PARD3: variants seen among roughly 807,000 people sequenced by gnomAD.
The protein encoded by PARD3 is par-3 family cell polarity regulator.
Under a neutral mutation model 155.4 loss-of-function variants are expected in PARD3, and 75 were observed. The observed-to-expected ratio is 0.48, with a 90% confidence interval of 0.40 to 0.58. The LOEUF (loss-of-function observed/expected upper bound fraction) is 0.58. Among genes scored for constraint, PARD3 ranks in the 20% least tolerant of loss-of-function variants. PARD3 has a pLI of 0.00. For synonymous variants in PARD3, 576 were observed against 610.5 expected (o/e 0.94, Z 0.83); for missense variants, 1,642 against 1,721.7 (o/e 0.95, Z 0.82).
At chr10:34,662,403 G>C (rs529377877) in intron 2 of PARD3, among the ~76,000 whole-genome samples, 43 of 152,108 alleles carry the variant, frequency 2.8e-4, no homozygotes, top group Non-Finnish European at 5.0e-4. Context: ...ACACTGCTGG[G>C]TATATAACCT....
intron 21 of PARD3, among the ~76,000 whole-genome samples, chr10:34,272,953 A>T (rs1955696344): frequency 6.6e-6 from 1 of 152,214 alleles, no homozygotes; most frequent in Non-Finnish European, 1.5e-5. Context: ...TAAAATAAAA[A>T]ACAGTGACAA....
intron 20 of PARD3, among the ~76,000 whole-genome samples, chr10:34,286,854 G>C (rs149251088): frequency 6.6e-6 from 1 of 152,184 alleles, no homozygotes; most frequent in East Asian, 1.9e-4. Flanking sequence ...GAACCAGCTG[G>C]TAATGGAGGA....
intron 2 of PARD3, among the ~76,000 whole-genome samples, chr10:34,520,120 A>G (rs1202615059): frequency 6.6e-6 from 1 of 152,210 alleles, no homozygotes; most frequent in African/African-American, 2.4e-5. Context: ...AGTAGGACTC[A>G]TAATTACAGT....
chr10:34,489,310 G>T (rs2079714935), intron 3 of PARD3, among the ~76,000 whole-genome samples: 1 of 152,182 alleles, frequency 6.6e-6, no homozygotes. Context: ...TTCTGGTGAG[G>T]ACAGGACAAA....
At chr10:34,550,089 G>A (rs1220230814) in intron 2 of PARD3, among the ~76,000 whole-genome samples, 1 of 152,100 alleles carries the variant, frequency 6.6e-6, no homozygotes, top group African/African-American at 2.4e-5. Context: ...GGTGAATCAC[G>A]GTCCACTGGT....
rs1347603703 is a variant in PARD3 at position 34,343,241 on chromosome 10, AC to A, written c.2219-1426del. ...TCACAATATTAAATACCAAATACTC[AC>A]ACGGGCATAATTTATTAAAAGAAAA... On this transcript the variant is annotated intron_variant, in intron 15 of 24. Coordinates refer to ENST00000374788, the MANE Select transcript of PARD3 (RefSeq NM_001184785.2). 3 of 747,504 alleles carry A rather than the reference AC, an allele frequency of 4.0e-6. No homozygotes were observed. The African/African-American group carries it at 5.7e-5, about 14-fold the overall frequency. 46.3% of individuals were successfully genotyped at this position (747,504 alleles called of 1,614,324 possible). A position where few individuals can be genotyped will look rare whatever the true frequency, so the allele number is the denominator to read the frequency against.
intron 2 of PARD3, among the ~76,000 whole-genome samples, chr10:34,681,744 ATATATATATATATATATATATATATTTT>A (rs2093830328): frequency 6.1e-5 from 1 of 16,408 alleles, no homozygotes; most frequent in Non-Finnish European, 1.2e-4. Context: ...ATATATATAT[ATATATATATATATATATATATATATTTT>A]TTTTTTTTTT....
intron 1 of PARD3, among the ~76,000 whole-genome samples, chr10:34,769,435 T>G (rs1046495139): frequency 5.3e-5 from 8 of 151,988 alleles, no homozygotes; most frequent in African/African-American, 1.9e-4. Flanking sequence ...GCCCACCTCC[T>G]CCCATTTATC....
chr10:34,352,896 T>C (rs1838293699), intron 14 of PARD3, among the ~76,000 whole-genome samples: 2 of 151,470 alleles, frequency 1.3e-5, no homozygotes, highest in Non-Finnish European at 2.9e-5. Context: ...ATCTAGGAAG[T>C]GAGGAGCGTC....
chr10:34,629,691 G>A (rs1314159467), intron 2 of PARD3, among the ~76,000 whole-genome samples: 1 of 152,144 alleles, frequency 6.6e-6, no homozygotes, highest in African/African-American at 2.4e-5. Context: ...TGGCTAAAAT[G>A]TTTGAGATAA....
chr10:34,514,005 C>G (rs1419783546), intron 3 of PARD3, among the ~76,000 whole-genome samples: 1 of 152,184 alleles, frequency 6.6e-6, no homozygotes, highest in African/African-American at 2.4e-5. Flanking sequence ...CAAAAAAAAG[C>G]TCAGGGCTAA....
intron 21 of PARD3, among the ~76,000 whole-genome samples, chr10:34,272,424 T>C (rs1477986769): frequency 6.6e-6 from 1 of 152,162 alleles, no homozygotes; most frequent in African/African-American, 2.4e-5. Context: ...AAAGGACTTA[T>C]ATCCAGGAAA....
chr10:34,135,262 A>T (rs1258105509), intron 22 of PARD3, among the ~76,000 whole-genome samples: 1 of 152,162 alleles, frequency 6.6e-6, no homozygotes, highest in Non-Finnish European at 1.5e-5. Flanking sequence ...CAATACCAAC[A>T]CTCAGCCTCC....
At chr10:34,655,666 T>C (rs7092015) in intron 2 of PARD3, among the ~76,000 whole-genome samples, 4,667 of 152,240 alleles carry the variant, frequency 0.031, 227 homozygotes, top group African/African-American at 0.11. Context: ...CTGACGAATA[T>C]AGCCATTGTC....
chr10:34,139,826 G>C (rs928944470), intron 22 of PARD3, among the ~76,000 whole-genome samples: 11 of 152,176 alleles, frequency 7.2e-5, no homozygotes, highest in African/African-American at 2.7e-4. Flanking sequence ...TAAAGCATTG[G>C]GGGGATAAAT....
chr10:34,670,526 G>A (rs746342928), intron 2 of PARD3, among the ~76,000 whole-genome samples: 2 of 152,104 alleles, frequency 1.3e-5, no homozygotes, highest in Non-Finnish European at 2.9e-5. Flanking sequence ...GGACCTTTGC[G>A]GGAGGAAGTG....
chr10:34,186,061 C>G (rs572351062), intron 22 of PARD3, among the ~76,000 whole-genome samples: 1 of 151,694 alleles, frequency 6.6e-6, no homozygotes, highest in Non-Finnish European at 1.5e-5. Flanking sequence ...GAACTTGGGC[C>G]CAGGGAGCAG....
At chr10:34,669,802 C>T (rs1042103558) in intron 2 of PARD3, among the ~76,000 whole-genome samples, 1 of 152,092 alleles carries the variant, frequency 6.6e-6, no homozygotes, top group African/African-American at 2.4e-5. Context: ...AGGTATCTGA[C>T]ACCTCACATG....
chr10:34,295,041 A>G lies in PARD3; in HGVS notation c.3066-10796T>C, dbSNP rs1956844223. Among the ~76,000 whole-genome samples the G allele has an allele frequency of 2.0e-5, 3 of 152,128 alleles. No individual in the cohort carries two copies. The South Asian group carries it at 6.2e-4, about 32-fold the overall frequency. ...ACATAGTGACACCCCACCTCCACAA[A>G]AACTCAAAAATTAAAAAACACATAC... is the stretch of plus-strand genomic sequence containing the variant. On this transcript the variant is annotated intron_variant, in intron 20 of 24. Transcript: ENST00000374788.
Sources: allele counts gnomAD v4.1 joint callset (sites outside exome capture counted in the v4.1 genomes callset), GRCh38; gene constraint gnomAD v4.1.1; transcripts MANE v1.5; gene names NCBI Gene and HGNC (gene_info 2026-07-23, HGNC 2026-07-21).